The following TTC28 variants were observed in gnomAD, a reference collection of about 807,000 sequenced individuals.
TTC28 encodes tetratricopeptide repeat protein 28.
A neutral mutation model predicts 198.0 loss-of-function variants in TTC28; 61 were observed. The ratio of observed to expected loss-of-function variants is 0.31; its 90% confidence interval spans 0.25 to 0.38. The LOEUF (loss-of-function observed/expected upper bound fraction) is 0.38. Among genes scored for constraint, TTC28 ranks in the 10% least tolerant of loss-of-function variants. The pLI is 1.00. For missense variants in TTC28, 2,678 were observed against 3,164.0 expected (o/e 0.85, Z 3.69); for synonymous variants, 1,171 against 1,297.8 (o/e 0.90, Z 2.10).
Position 28,107,747 on chromosome 22 carries a change from G to A in TTC28, c.2098C>T (p.Leu700=). 3 of 1,551,918 alleles carry A rather than the reference G, an allele frequency of 1.9e-6. No homozygotes were observed. Among genetic ancestry groups the A allele is most frequent in the Non-Finnish European group, 2.6e-6 (3 of 1,147,032 alleles). ...FSKAEECQKY[L]LSLAQSLNNS... ...TTCAGAGACTGGGCTAGGGACAGTA[G>A]GTACTTCTGACACTCTTCAGCTTTA... Residue 700 remains leucine, a synonymous_variant, in exon 7 of 23, where the codon CTA becomes TTA. Coordinates refer to ENST00000397906, the MANE Select transcript of TTC28 (RefSeq NM_001145418.2).
chr22:28,496,301 C>T (rs1268108461), intron 2 of TTC28, among the ~76,000 whole-genome samples: 1 of 152,060 alleles, frequency 6.6e-6, no homozygotes, highest in Non-Finnish European at 1.5e-5. Context: ...CTATATCCGA[C>T]CTCTCCCCTT....
At chr22:28,104,508 G>A (rs1040043093) in intron 8 of TTC28, among the ~76,000 whole-genome samples, 9 of 152,298 alleles carry the variant, frequency 5.9e-5, no homozygotes, top group African/African-American at 1.9e-4. Flanking sequence ...TCTAGGGTGA[G>A]AGGATCCAAT....
chr22:28,034,479 C>A (rs1387517981), intron 12 of TTC28, among the ~76,000 whole-genome samples: 1 of 152,178 alleles, frequency 6.6e-6, no homozygotes, highest in Non-Finnish European at 1.5e-5. Flanking sequence ...CTCTCTGGAC[C>A]TGAAGATTCT....
chr22:28,450,965 C>T (rs569213061), intron 2 of TTC28, among the ~76,000 whole-genome samples: 36 of 152,166 alleles, frequency 2.4e-4, no homozygotes, highest in East Asian at 3.9e-4. Context: ...AAACAGAGCA[C>T]GAGGATCTTG....
intron 2 of TTC28, among the ~76,000 whole-genome samples, chr22:28,442,363 G>C (rs368611260): frequency 6.6e-6 from 1 of 152,240 alleles, no homozygotes; most frequent in Non-Finnish European, 1.5e-5. Flanking sequence ...GAGGCCTCTC[G>C]GCCCGCCGCC....
At chr22:28,148,475 C>T (rs777446132) in intron 6 of TTC28, among the ~76,000 whole-genome samples, 7 of 151,894 alleles carry the variant, frequency 4.6e-5, no homozygotes, top group South Asian at 2.1e-4. Flanking sequence ...TAGCTAGGCG[C>T]GGTGGCGGGC....
chr22:28,332,678 T>C (rs1490842276), intron 2 of TTC28, among the ~76,000 whole-genome samples: 1 of 152,106 alleles, frequency 6.6e-6, no homozygotes, highest in Non-Finnish European at 1.5e-5. Context: ...ACAGAAATAC[T>C]CATTTGTAAA....
intron 2 of TTC28, among the ~76,000 whole-genome samples, chr22:28,386,361 A>G (rs1226859497): frequency 6.7e-6 from 1 of 149,158 alleles, no homozygotes; most frequent in African/African-American, 2.5e-5. Context: ...CAATACTTTC[A>G]CATTACTTTG....
At chr22:28,069,921 TACAAACAC>T (rs1234093794) in intron 12 of TTC28, among the ~76,000 whole-genome samples, 2 of 114,940 alleles carry the variant, frequency 1.7e-5, no homozygotes, top group Admixed American at 2.0e-4. Context: ...TGAAAGGTTG[TACAAACAC>T]ACACACACAC....
intron 2 of TTC28, among the ~76,000 whole-genome samples, chr22:28,343,470 C>CA (rs1432904788): frequency 6.6e-6 from 1 of 150,426 alleles, no homozygotes; most frequent in Non-Finnish European, 1.5e-5. Context: ...GTGGAGGTTA[C>CA]ACTGAGCCAA....
At position 28,194,720 on chromosome 22, in the gene TTC28, C is replaced by G. The variant is rs1350451871; in HGVS notation, c.934-31121G>C. On this transcript the variant is annotated intron_variant, in intron 5 of 22. Coordinates refer to ENST00000397906, the MANE Select transcript of TTC28 (RefSeq NM_001145418.2). ...AAATTCCTCAACAAATACACCCACC[C>G]AAGACTAAAACAAGATAAGAAGTTG... Among the ~76,000 whole-genome samples, 21 of 142,048 alleles carry G rather than the reference C, an allele frequency of 1.5e-4. No homozygotes were observed. In the East Asian group the frequency reaches 4.4e-3, roughly 30 times the overall value. The allele number at this position is 142,048 out of a possible 152,430, so 93.2% of individuals were successfully genotyped here.
intron 2 of TTC28, among the ~76,000 whole-genome samples, chr22:28,478,444 G>A (rs1007235550): frequency 2.6e-5 from 4 of 152,170 alleles, no homozygotes; most frequent in African/African-American, 9.7e-5. Flanking sequence ...GGGAAGTGGA[G>A]GTTGCAGTGA....
At chr22:28,371,958 G>T (rs1343164819) in intron 2 of TTC28, among the ~76,000 whole-genome samples, 1 of 151,288 alleles carries the variant, frequency 6.6e-6, no homozygotes, top group Non-Finnish European at 1.5e-5. Context: ...ACGTGGTGGT[G>T]TGTGCCTGTA....
chr22:28,114,115 G>A (rs1942567122), intron 6 of TTC28, among the ~76,000 whole-genome samples: 1 of 152,170 alleles, frequency 6.6e-6, no homozygotes, highest in African/African-American at 2.4e-5. Context: ...CATTTCTAAT[G>A]ATCTTAAAGG....
intron 2 of TTC28, among the ~76,000 whole-genome samples, chr22:28,497,925 A>C (rs948620198): frequency 6.6e-6 from 1 of 152,112 alleles, no homozygotes; most frequent in Non-Finnish European, 1.5e-5. Flanking sequence ...TAATAAACTA[A>C]ATTTATAATT....
At chr22:28,252,407 A>G (rs548210113) in intron 5 of TTC28, among the ~76,000 whole-genome samples, 2 of 152,224 alleles carry the variant, frequency 1.3e-5, no homozygotes, top group African/African-American at 4.8e-5. Flanking sequence ...ATGATGGTAT[A>G]TATTTCTACA....
intron 6 of TTC28, among the ~76,000 whole-genome samples, chr22:28,119,972 G>A (rs1166965721): frequency 6.6e-6 from 1 of 152,176 alleles, no homozygotes; most frequent in Non-Finnish European, 1.5e-5. Context: ...CAATTTATCT[G>A]TAAAATGTAA....
At chr22:28,135,276 C>T (rs73427726) in intron 6 of TTC28, among the ~76,000 whole-genome samples, 2,613 of 152,116 alleles carry the variant, frequency 0.017, 74 homozygotes, top group African/African-American at 0.059. Context: ...CTCACCACTA[C>T]GTCATTCTTT....
At chr22:28,066,956 C>T (rs1292741474) in intron 12 of TTC28, among the ~76,000 whole-genome samples, 1 of 152,180 alleles carries the variant, frequency 6.6e-6, no homozygotes, top group East Asian at 1.9e-4. Context: ...CTGCACTTCC[C>T]GCGTAGATCA....
Sources: gnomAD v4.1 joint callset for allele counts (sites outside exome capture counted in the v4.1 genomes callset) on GRCh38, gnomAD v4.1.1 for gene constraint, MANE v1.5 for transcripts, NCBI Gene and HGNC (gene_info 2026-07-23, HGNC 2026-07-21) for gene names.